Variants in ZBTB8OS observed in about 807,000 individuals in gnomAD.
ZBTB8OS encodes the protein tRNA splicing ligase complex subunit 1.
ZBTB8OS carries 16 observed loss-of-function variants against 29.3 expected under a neutral mutation model. The observed-to-expected ratio is 0.55, with a 90% CI of 0.37 to 0.83. ZBTB8OS has a LOEUF of 0.83. ZBTB8OS is among the 40% of genes least tolerant of loss of function. ZBTB8OS has a pLI of 0.00. For synonymous variants in ZBTB8OS, 70 were observed against 64.6 expected (o/e 1.08, Z -0.40); for missense variants, 160 against 196.9 (o/e 0.81, Z 1.12).
At chr1:32,645,915 T>G (rs1471657636) in intron 1 of ZBTB8OS, among the ~76,000 whole-genome samples, 1 of 152,182 alleles carries the variant, frequency 6.6e-6, no homozygotes, top group Non-Finnish European at 1.5e-5. Context: ...ACCCCAGGAA[T>G]ACAGAGATTA....
chr1:32,649,601 C>A (rs1445277523), intron 1 of ZBTB8OS, among the ~76,000 whole-genome samples: 2 of 150,860 alleles, frequency 1.3e-5, no homozygotes, highest in African/African-American at 4.9e-5. Context: ...TGCACTCCAG[C>A]CTGGACGACA....
intron 1 of ZBTB8OS, among the ~76,000 whole-genome samples, chr1:32,642,590 A>C (rs1258222715): frequency 1.3e-5 from 2 of 150,398 alleles, no homozygotes; most frequent in African/African-American, 4.9e-5. Flanking sequence ...CTCTATTAAC[A>C]TAGCTAGATC....
At chr1:32,629,749 CTTTTTTTTT>C (rs869185319) in intron 5 of ZBTB8OS, among the ~76,000 whole-genome samples, 7 of 114,124 alleles carry the variant, frequency 6.1e-5, no homozygotes, top group African/African-American at 1.9e-4. Context: ...ATGCTTGTTT[CTTTTTTTTT>C]TTTTTTTTTT....
intron 6 of ZBTB8OS, among the ~76,000 whole-genome samples, chr1:32,626,747 C>T (rs1369385790): frequency 6.6e-6 from 1 of 152,104 alleles, no homozygotes; most frequent in Non-Finnish European, 1.5e-5. Context: ...CTAGGTTTCA[C>T]TATGTTGGCC....
chr1:32,649,104 A>AC (rs1375605883), intron 1 of ZBTB8OS, among the ~76,000 whole-genome samples: 1 of 148,634 alleles, frequency 6.7e-6, no homozygotes, highest in East Asian at 2.0e-4. Context: ...AGTAGCTGGG[A>AC]TTACAGGCGC....
At chr1:32,639,395 C>G (rs1349678690) in intron 1 of ZBTB8OS, among the ~76,000 whole-genome samples, 2 of 151,962 alleles carry the variant, frequency 1.3e-5, no homozygotes, top group Admixed American at 1.3e-4. Context: ...ACAATATATC[C>G]TAGTATTCCT....
intron 1 of ZBTB8OS, among the ~76,000 whole-genome samples, chr1:32,635,231 C>G (rs1645864127): frequency 6.6e-6 from 1 of 151,872 alleles, no homozygotes; most frequent in African/African-American, 2.4e-5. Context: ...ATAGCACATT[C>G]CCATTGGATC....
At chr1:32,646,188 G>C (rs112855740) in intron 1 of ZBTB8OS, among the ~76,000 whole-genome samples, 7 of 151,966 alleles carry the variant, frequency 4.6e-5, no homozygotes, top group African/African-American at 1.7e-4. Flanking sequence ...GTATGATGGT[G>C]CACGCCTGTA....
In ZBTB8OS at chr1:32,620,960, C is replaced by T. The variant is rs1644719993; in HGVS notation, c.*902G>A. The T allele has an allele frequency of 6.6e-6, 1 of 152,160 alleles. No homozygotes were observed. The highest frequency in any genetic ancestry group is 2.1e-4 in the South Asian group (1 of 4,834). 9.4% of individuals were successfully genotyped at this position (152,160 alleles called of 1,614,324 possible). On this transcript the variant is annotated 3_prime_UTR_variant, in exon 7 of 7. Coordinates refer to ENST00000468695, the MANE Select transcript of ZBTB8OS (RefSeq NM_178547.5). ...GAGAAAACAGGAAATATCATTAGTG[C>T]TTTTAAAAAACTGAAAGCGTGAGAG...
chr1:32,642,279 A>G (rs1488587764), intron 1 of ZBTB8OS, among the ~76,000 whole-genome samples: 2 of 152,122 alleles, frequency 1.3e-5, no homozygotes, highest in African/African-American at 4.8e-5. Context: ...CAAGGCAGGC[A>G]AATCACCTGA....
At chr1:32,626,732 A>G (rs759027990) in intron 6 of ZBTB8OS, among the ~76,000 whole-genome samples, 59 of 152,094 alleles carry the variant, frequency 3.9e-4, no homozygotes, top group Admixed American at 1.2e-3. Context: ...TATTTTTAGT[A>G]GAGGCTAGGT....
chr1:32,650,859 C>A, upstream of ZBTB8OS: 1 of 490,640 alleles, frequency 2.0e-6, no homozygotes. Flanking sequence ...ATAACTAGAC[C>A]CGAAGGCATT....
rs1222093238 is a variant in ZBTB8OS at position 32,650,432 on chromosome 1, C to T, written c.97+1G>A. ...AAGAGAGAAGTAAGCCACCTACTCACACTCGTACTTCCTATTGACTGGCGG... is the reference window on the plus strand; with the variant it reads ...AAGAGAGAAGTAAGCCACCTACTCATACTCGTACTTCCTATTGACTGGCGG... On this transcript the variant is annotated splice_donor_variant, in intron 1 of 6. Transcript: ENST00000468695. LOFTEE classifies it high-confidence loss of function. 1 of 1,614,072 alleles carries T rather than the reference C, an allele frequency of 6.2e-7. No individual in the cohort carries two copies. Among genetic ancestry groups the T allele is most frequent in the African/African-American group, 1.3e-5 (1 of 74,934 alleles).
chr1:32,644,293 C>T (rs1344826690), intron 1 of ZBTB8OS, among the ~76,000 whole-genome samples: 1 of 152,062 alleles, frequency 6.6e-6, no homozygotes, highest in Non-Finnish European at 1.5e-5. Flanking sequence ...TAGGAGTCAG[C>T]TTGCACAAGT....
chr1:32,636,240 A>C (rs1283801493), intron 1 of ZBTB8OS, among the ~76,000 whole-genome samples: 1 of 152,106 alleles, frequency 6.6e-6, no homozygotes, highest in Non-Finnish European at 1.5e-5. Flanking sequence ...CTGATCCCCA[A>C]ATGCTCAGGG....
At chr1:32,648,299 A>AT (rs1323328956) in intron 1 of ZBTB8OS, among the ~76,000 whole-genome samples, 1 of 152,252 alleles carries the variant, frequency 6.6e-6, no homozygotes, top group African/African-American at 2.4e-5. Flanking sequence ...CAATTTGGCA[A>AT]TAACTGTCCA....
chr1:32,647,298 G>A (rs568587455), intron 1 of ZBTB8OS, among the ~76,000 whole-genome samples: 2 of 150,102 alleles, frequency 1.3e-5, no homozygotes, highest in Admixed American at 6.7e-5. Flanking sequence ...TTAGCCAGGT[G>A]TGGTGGTGCA....
At chr1:32,641,273 T>C (rs902457713) in intron 1 of ZBTB8OS, among the ~76,000 whole-genome samples, 1 of 116,546 alleles carries the variant, frequency 8.6e-6, no homozygotes, top group Non-Finnish European at 1.6e-5. Flanking sequence ...AAGTTTTTTT[T>C]TTTTTTTTTT....
At chr1:32,638,680 A>G (rs1203735294) in intron 1 of ZBTB8OS, among the ~76,000 whole-genome samples, 6 of 151,962 alleles carry the variant, frequency 3.9e-5, no homozygotes. Context: ...TGGGAGGCCA[A>G]GGTGGGTAGT....
Sources: gnomAD v4.1 joint callset for allele counts (sites outside exome capture counted in the v4.1 genomes callset) on GRCh38, gnomAD v4.1.1 for gene constraint, MANE v1.5 for transcripts, NCBI Gene and HGNC (gene_info 2026-07-23, HGNC 2026-07-21) for gene names.